The following SRRM1 variants were observed in gnomAD, a reference collection of about 807,000 sequenced individuals.
SRRM1 encodes the protein serine and arginine repetitive matrix 1.
Under a neutral mutation model 110.2 loss-of-function variants are expected in SRRM1, and 19 were observed. That is an observed-to-expected ratio of 0.17 (90% CI 0.12 to 0.25). The LOEUF (loss-of-function observed/expected upper bound fraction) is 0.25, where lower values mean the gene tolerates loss of function less well. Among genes scored for constraint, SRRM1 ranks in the 10% least tolerant of loss-of-function variants. SRRM1 has a pLI of 1.00. For missense variants in SRRM1, 918 were observed against 1,145.8 expected (o/e 0.80, Z 2.87); for synonymous variants, 443 against 414.9 (o/e 1.07, Z -0.82).
At chr1:24,645,907 G>C in intron 1 of SRRM1, 77 bp from the exon 2 acceptor site, 1 of 1,150,050 alleles carries the variant, frequency 8.7e-7, no homozygotes, top group East Asian at 2.5e-5. Context: ...CCCTATTTTG[G>C]CTATAAAGGT....
At chr1:24,661,439 A>T in intron 11 of SRRM1, 43 bp downstream of exon 11, 1 of 1,421,696 alleles carries the variant, frequency 7.0e-7, no homozygotes, top group Non-Finnish European at 9.8e-7. Flanking sequence ...TGTATTTCCT[A>T]TTAAAAAATA....
intron 3 of SRRM1, 111 bp from the exon 4 acceptor site, chr1:24,648,748 C>T: frequency 1.1e-6 from 1 of 880,810 alleles, no homozygotes; most frequent in East Asian, 2.6e-5. Flanking sequence ...ATGTCTAAGC[C>T]CCTATGGTAG....
At chr1:24,666,200 T>C (rs552513568) in intron 12 of SRRM1, among the ~76,000 whole-genome samples, 1 of 152,328 alleles carries the variant, frequency 6.6e-6, no homozygotes, top group African/African-American at 2.4e-5. Flanking sequence ...GCCGAACTTT[T>C]TCACTCTGTG....
chr1:24,656,842 C>T (rs186204045), intron 9 of SRRM1, among the ~76,000 whole-genome samples: 1 of 152,320 alleles, frequency 6.6e-6, no homozygotes, highest in Admixed American at 6.5e-5. Context: ...TAAAAAGCAT[C>T]TGCACAGATG....
At chr1:24,664,237 C>T (rs906351536) in intron 12 of SRRM1, among the ~76,000 whole-genome samples, 1 of 152,102 alleles carries the variant, frequency 6.6e-6, no homozygotes, top group African/African-American at 2.4e-5. Context: ...GTCAGGTGAT[C>T]CACCCGCCTC....
chr1:24,643,412 C>A, intron 1 of SRRM1, 65 bp downstream of exon 1: 3 of 1,444,430 alleles, frequency 2.1e-6, no homozygotes, highest in Non-Finnish European at 2.8e-6. Flanking sequence ...GGTAGGAGAC[C>A]TTAGCTTGGC....
At chr1:24,669,767 T>A in intron 14 of SRRM1, 180 bp downstream of exon 14, 1 of 622,016 alleles carries the variant, frequency 1.6e-6, no homozygotes, top group Non-Finnish European at 2.8e-6. Flanking sequence ...ATAAGTTAAA[T>A]GCCACAGGCT....
chr1:24,643,354 A>G lies in SRRM1; in HGVS notation c.21+7A>G. The G allele has an allele frequency of 1.9e-6, 3 of 1,550,512 alleles. No individual in the cohort carries two copies. The highest frequency in any genetic ancestry group is 2.7e-5 in the East Asian group (1 of 37,276). On this transcript the variant is annotated splice_region_variant and intron_variant, in intron 1 of 16. Coordinates refer to ENST00000323848, the MANE Select transcript of SRRM1 (RefSeq NM_005839.4). ...GGACGCGGGATTTTTCCGCGTAAGT[A>G]GAAGCGCCGGGCGCCGGGGTGAGGC... is the stretch of plus-strand genomic sequence containing the variant.
At chr1:24,668,191 C>CA (rs1671021788) in intron 13 of SRRM1, among the ~76,000 whole-genome samples, 1 of 151,596 alleles carries the variant, frequency 6.6e-6, no homozygotes. Context: ...AGGCTGGTCT[C>CA]AAACTCCTGA....
intron 11 of SRRM1, 54 bp from the exon 12 acceptor site, chr1:24,662,606 G>A (rs1557715804): frequency 6.9e-6 from 11 of 1,583,478 alleles, no homozygotes; most frequent in Non-Finnish European, 9.5e-6. Flanking sequence ...CAGAAAACTT[G>A]GACAGATTCA....
chr1:24,665,875 G>A (rs1669738073), intron 12 of SRRM1, among the ~76,000 whole-genome samples: 1 of 152,154 alleles, frequency 6.6e-6, no homozygotes, highest in South Asian at 2.1e-4. Context: ...TTTCTAACGG[G>A]AACCAAGACA....
intron 9 of SRRM1, among the ~76,000 whole-genome samples, chr1:24,659,549 T>C (rs961642407): frequency 3.9e-5 from 6 of 152,242 alleles, no homozygotes; most frequent in Non-Finnish European, 8.8e-5. Context: ...AATATACTTA[T>C]GATTTTAGTT....
chr1:24,646,161 T>A (rs559958305), intron 2 of SRRM1, 88 bp downstream of exon 2: 623 of 960,194 alleles, frequency 6.5e-4, no homozygotes, highest in Non-Finnish European at 8.9e-4. Flanking sequence ...GCATTGTAAC[T>A]TGAATGCTAA....
At chr1:24,647,612 A>G (rs1349768309) in intron 3 of SRRM1, 1 of 152,676 alleles carries the variant, frequency 6.5e-6, no homozygotes, top group African/African-American at 2.4e-5. Context: ...TTTTGCATAT[A>G]TACCAATGTG....
At position 24,669,573 on chromosome 1, in the gene SRRM1, T is replaced by C. The variant is rs1402875545; in HGVS notation, c.2190T>C (p.Pro730=). The C allele has an allele frequency of 3.9e-6, 6 of 1,555,948 alleles. No individual in the cohort carries two copies. The highest frequency in any genetic ancestry group is 5.2e-6 in the Non-Finnish European group (6 of 1,148,030). The change falls in exon 14 of 17, where the codon CCT becomes CCC. Residue 730 remains proline, a synonymous_variant. Transcript: ENST00000323848. ...GGAGAGTCTCCAGGACTCCGGAACC[T>C]AAAAAGATAAAAAAGTAAAAATATT... is the stretch of plus-strand genomic sequence containing the variant. ...PIRRVSRTPE[P]KKIKKAASPS...
chr1:24,644,878 A>G (rs568949775), intron 1 of SRRM1, among the ~76,000 whole-genome samples: 2 of 152,328 alleles, frequency 1.3e-5, no homozygotes, highest in African/African-American at 2.4e-5. Context: ...TTGATGAGCA[A>G]ATTTTAACAT....
intron 5 of SRRM1, 106 bp downstream of exon 5, chr1:24,650,192 C>CAG (rs1418014271): frequency 8.8e-7 from 1 of 1,138,578 alleles, no homozygotes; most frequent in Non-Finnish European, 1.2e-6. Context: ...GAATTTGTTC[C>CAG]ATCATGCAGT....
At chr1:24,665,189 G>A (rs1177601015) in intron 12 of SRRM1, among the ~76,000 whole-genome samples, 1 of 152,060 alleles carries the variant, frequency 6.6e-6, no homozygotes, top group Non-Finnish European at 1.5e-5. Context: ...CACTTTGGGA[G>A]GCTGAGTTGG....
intron 12 of SRRM1, 167 bp from the exon 13 acceptor site, chr1:24,666,648 C>G (rs915867182): frequency 1.8e-6 from 1 of 541,576 alleles, no homozygotes; most frequent in African/African-American, 2.0e-5. Context: ...GCCTGTAATC[C>G]CAACTACTCA....
Sources: gnomAD v4.1 joint callset for allele counts (sites outside exome capture counted in the v4.1 genomes callset) on GRCh38, gnomAD v4.1.1 for gene constraint, MANE v1.5 for transcripts, NCBI Gene and HGNC (gene_info 2026-07-23, HGNC 2026-07-21) for gene names.